Variants in LRRFIP1 observed in about 807,000 individuals in gnomAD.
LRRFIP1 encodes the protein LRR binding FLII interacting protein 1, also known as leucine-rich repeat flightless-interacting protein 1.
A neutral mutation model predicts 104.4 loss-of-function variants in LRRFIP1; 62 were observed. That is an observed-to-expected ratio of 0.59 (90% CI 0.48 to 0.73). The LOEUF is 0.73. Among genes scored for constraint, LRRFIP1 ranks in the 30% least tolerant of loss-of-function variants. The pLI, the probability that LRRFIP1 is intolerant of heterozygous loss-of-function variation, is 0.00. For missense variants in LRRFIP1, 796 were observed against 824.5 expected, an observed-to-expected ratio of 0.97 and a Z score of 0.42; for synonymous variants, 300 against 299.0, an observed-to-expected ratio of 1.00 and a Z score of -0.03.
intron 1 of LRRFIP1, among the ~76,000 whole-genome samples, chr2:237,651,986 C>T (rs1386337410): frequency 3.9e-5 from 6 of 152,210 alleles, no homozygotes; most frequent in Non-Finnish European, 8.8e-5. Flanking sequence ...TTCTGGCGTA[C>T]CTTTTGCTCC....
chr2:237,645,526 G>A (rs973954764), intron 1 of LRRFIP1, among the ~76,000 whole-genome samples: 1 of 151,984 alleles, frequency 6.6e-6, no homozygotes, highest in African/African-American at 2.4e-5. Context: ...GGTGCCAGGG[G>A]CAGCTGCTCC....
chr2:237,720,321 C>G (rs975872422), intron 5 of LRRFIP1, among the ~76,000 whole-genome samples: 1 of 151,802 alleles, frequency 6.6e-6, no homozygotes, highest in Non-Finnish European at 1.5e-5. Flanking sequence ...AGTCTTGGCT[C>G]ACTGCAATGT....
intron 19 of LRRFIP1, chr2:237,763,219 G>A: frequency 1.2e-6 from 2 of 1,614,144 alleles, no homozygotes; most frequent in Non-Finnish European, 1.7e-6. Context: ...ACGAAGAAGA[G>A]GGTGAAGAAA....
intron 1 of LRRFIP1, among the ~76,000 whole-genome samples, chr2:237,630,473 A>G (rs1410951902): frequency 2.0e-5 from 3 of 152,220 alleles, no homozygotes; most frequent in Non-Finnish European, 4.4e-5. Context: ...CTGTAGATCA[A>G]TAATGCTAAC....
chr2:237,676,219 C>T (rs370979033), intron 1 of LRRFIP1, among the ~76,000 whole-genome samples: 11 of 152,190 alleles, frequency 7.2e-5, no homozygotes, highest in South Asian at 4.1e-4. Flanking sequence ...ATTTGATTAA[C>T]GTAAATTTTT....
chr2:237,715,927 T>G (rs1322472642), intron 3 of LRRFIP1, among the ~76,000 whole-genome samples: 1 of 152,208 alleles, frequency 6.6e-6, no homozygotes, highest in African/African-American at 2.4e-5. Flanking sequence ...GGAAATGCAG[T>G]TACAGTAGCC....
intron 1 of LRRFIP1, among the ~76,000 whole-genome samples, chr2:237,642,072 G>A (rs995510221): frequency 3.9e-5 from 6 of 152,154 alleles, no homozygotes; most frequent in South Asian, 2.1e-4. Context: ...GCGGCCAGGC[G>A]ACCTCCTCAG....
chr2:237,679,736 G>A (rs1346083915), intron 1 of LRRFIP1, among the ~76,000 whole-genome samples: 2 of 152,136 alleles, frequency 1.3e-5, no homozygotes, highest in East Asian at 1.9e-4. Flanking sequence ...AGCCTCCCGA[G>A]TAGCTGGGAT....
At chr2:237,700,633 G>A (rs531627845) in intron 1 of LRRFIP1, among the ~76,000 whole-genome samples, 2 of 152,190 alleles carry the variant, frequency 1.3e-5, no homozygotes, top group Non-Finnish European at 2.9e-5. Flanking sequence ...GCCCCGTGGG[G>A]CGTCATTTCC....
chr2:237,770,120 T>C (rs1287367557), intron 20 of LRRFIP1, 128 bp downstream of exon 20: 2 of 718,110 alleles, frequency 2.8e-6, no homozygotes, highest in Admixed American at 2.4e-5. Context: ...TCAAGCCAAC[T>C]GGTGTTCTTA....
At chr2:237,739,401 A>G (rs936843902) in intron 11 of LRRFIP1, 92 bp downstream of exon 11, 2 of 1,110,124 alleles carry the variant, frequency 1.8e-6, no homozygotes, top group African/African-American at 1.6e-5. Flanking sequence ...AATTTAGAAT[A>G]TTACTCTGCG....
intron 1 of LRRFIP1, among the ~76,000 whole-genome samples, chr2:237,637,801 C>T (rs575432371): frequency 2.2e-4 from 34 of 152,264 alleles, no homozygotes; most frequent in African/African-American, 7.7e-4. Context: ...TATTTTTAAC[C>T]TCCATCATGT....
intron 20 of LRRFIP1, among the ~76,000 whole-genome samples, chr2:237,771,479 C>T (rs906328338): frequency 6.7e-6 from 1 of 148,182 alleles, no homozygotes; most frequent in African/African-American, 2.5e-5. Flanking sequence ...TAGGTTTCTG[C>T]AAATACTGCA....
chr2:237,768,324 G>A (rs551158970), intron 19 of LRRFIP1: 4 of 152,024 alleles, frequency 2.6e-5, no homozygotes, highest in African/African-American at 9.7e-5. Flanking sequence ...TATCAATTTT[G>A]CTTGCACTCT....
At chr2:237,655,863 TCTTACTAGG>T (rs2086733861) in intron 1 of LRRFIP1, among the ~76,000 whole-genome samples, 1 of 152,242 alleles carries the variant, frequency 6.6e-6, no homozygotes, top group Admixed American at 6.5e-5. Flanking sequence ...CTGCTTTATT[TCTTACTAGG>T]CTGCTAATGA....
intron 11 of LRRFIP1, among the ~76,000 whole-genome samples, chr2:237,745,955 G>C (rs1278987140): frequency 6.6e-6 from 1 of 152,002 alleles, no homozygotes; most frequent in African/African-American, 2.4e-5. Context: ...GGAATAAAAG[G>C]CTTTGGGCCC....
chr2:237,678,805 G>A (rs1003571490), intron 1 of LRRFIP1, among the ~76,000 whole-genome samples: 7 of 152,030 alleles, frequency 4.6e-5, no homozygotes, highest in South Asian at 2.1e-4. Flanking sequence ...ACAGCACCCC[G>A]CCCCTCAAAC....
intron 23 of LRRFIP1, among the ~76,000 whole-genome samples, chr2:237,777,785 GTC>G (rs373888410): frequency 1.3e-5 from 2 of 151,920 alleles, no homozygotes; most frequent in Admixed American, 6.6e-5. Flanking sequence ...CTCTTTTTTA[GTC>G]TCTCCACTTT....
intron 1 of LRRFIP1, among the ~76,000 whole-genome samples, chr2:237,689,569 C>A (rs770349095): frequency 2.0e-5 from 3 of 152,196 alleles, no homozygotes; most frequent in Non-Finnish European, 2.9e-5. Flanking sequence ...TGGTCCCCTC[C>A]CTGCCACCTA....
Sources: gnomAD v4.1 joint callset for allele counts (sites outside exome capture counted in the v4.1 genomes callset) on GRCh38, gnomAD v4.1.1 for gene constraint, MANE v1.5 for transcripts, NCBI Gene and HGNC (gene_info 2026-07-23, HGNC 2026-07-21) for gene names.